Variants in ARHGEF38 observed in about 807,000 individuals in gnomAD.
ARHGEF38 encodes Rho guanine nucleotide exchange factor (GEF) 38.
Under a neutral mutation model 79.9 loss-of-function variants are expected in ARHGEF38, and 79 were observed. That is an observed-to-expected ratio of 0.99 (90% CI 0.82 to 1.19). The LOEUF (loss-of-function observed/expected upper bound fraction) is 1.19. Ranked by LOEUF, ARHGEF38 falls within the 50% of genes most tolerant of loss-of-function variation. The pLI is 0.00. For missense variants in ARHGEF38, 962 were observed against 907.2 expected, an observed-to-expected ratio of 1.06 and a Z score of -0.78; for synonymous variants, 366 against 328.3, an observed-to-expected ratio of 1.11 and a Z score of -1.24.
intron 1 of ARHGEF38, among the ~76,000 whole-genome samples, chr4:105,575,585 T>C (rs1726457153): frequency 6.6e-6 from 1 of 152,190 alleles, no homozygotes; most frequent in African/African-American, 2.4e-5. Context: ...AAAAGTATTT[T>C]CTCCACTCTT....
chr4:105,570,354 T>A (rs13117756), intron 1 of ARHGEF38: 1 of 152,136 alleles, frequency 6.6e-6, no homozygotes. Context: ...AAAAATAATT[T>A]GGGGGAACAT....
chr4:105,616,097 G>A lies in ARHGEF38; in HGVS notation c.508+2590G>A, dbSNP rs147073446. On this transcript the variant is annotated intron_variant, in intron 3 of 13. Coordinates refer to ENST00000420470, the MANE Select transcript of ARHGEF38 (RefSeq NM_001242729.2). ...TACAGAATAGATGTAAATAAAATAT[G>A]TATGGAAAATAGGGCCTGAGAAATC... is the stretch of plus-strand genomic sequence containing the variant. 2.2e-3 allele frequency among the ~76,000 whole-genome samples: 332 copies of A among 152,232 alleles called. 4 individuals carry two copies. Among genetic ancestry groups the A allele is most frequent in the South Asian group, 8.3e-4 (4 of 4,818 alleles).
At chr4:105,665,680 C>T (rs900745537) in intron 10 of ARHGEF38, among the ~76,000 whole-genome samples, 5 of 152,158 alleles carry the variant, frequency 3.3e-5, no homozygotes, top group African/African-American at 7.2e-5. Flanking sequence ...AAGCAGTCTT[C>T]TTACCTCAGC....
intron 13 of ARHGEF38, among the ~76,000 whole-genome samples, chr4:105,672,125 C>A (rs1035883626): frequency 6.6e-6 from 1 of 152,012 alleles, no homozygotes; most frequent in Admixed American, 6.6e-5. Context: ...AACCTGGACG[C>A]GAAGACCTGA....
chr4:105,565,623 A>G (rs1578258634), intron 1 of ARHGEF38, among the ~76,000 whole-genome samples: 1 of 152,114 alleles, frequency 6.6e-6, no homozygotes, highest in Non-Finnish European at 1.5e-5. Context: ...AGAGGCAGGG[A>G]GGGAGTGTTG....
At chr4:105,592,068 T>G (rs1727366814) in intron 2 of ARHGEF38, among the ~76,000 whole-genome samples, 2 of 152,192 alleles carry the variant, frequency 1.3e-5, no homozygotes, top group Admixed American at 1.3e-4. Flanking sequence ...GTCACTACCT[T>G]TCCTTATGGT....
intron 1 of ARHGEF38, among the ~76,000 whole-genome samples, chr4:105,558,141 T>C (rs1725341078): frequency 6.6e-6 from 1 of 152,208 alleles, no homozygotes; most frequent in Non-Finnish European, 1.5e-5. Flanking sequence ...CCCTACTGTA[T>C]GAACTTTATA....
chr4:105,623,956 G>A (rs1038622910), intron 3 of ARHGEF38, among the ~76,000 whole-genome samples: 25 of 152,090 alleles, frequency 1.6e-4, no homozygotes, highest in Non-Finnish European at 3.4e-4. Flanking sequence ...CCCCTTCTTT[G>A]AGAGCCCCAC....
chr4:105,553,492 TC>T (rs1725102170), intron 1 of ARHGEF38, among the ~76,000 whole-genome samples: 1 of 152,212 alleles, frequency 6.6e-6, no homozygotes, highest in Non-Finnish European at 1.5e-5. Flanking sequence ...TTGCTGAAAT[TC>T]ACTTAGGTGA....
At chr4:105,611,663 C>T (rs1251198311) in intron 2 of ARHGEF38, among the ~76,000 whole-genome samples, 3 of 151,688 alleles carry the variant, frequency 2.0e-5, no homozygotes, top group Non-Finnish European at 4.4e-5. Flanking sequence ...AAATCTTGAA[C>T]CTCTCTAGAT....
chr4:105,597,420 G>A (rs1233548067), intron 2 of ARHGEF38, among the ~76,000 whole-genome samples: 1 of 152,104 alleles, frequency 6.6e-6, no homozygotes, highest in African/African-American at 2.4e-5. Context: ...CAGGAAGAAT[G>A]GTCTTTCATT....
At chr4:105,619,328 C>T (rs1728641990) in intron 3 of ARHGEF38, among the ~76,000 whole-genome samples, 1 of 151,752 alleles carries the variant, frequency 6.6e-6, no homozygotes, top group Non-Finnish European at 1.5e-5. Context: ...AGGCCTCAGG[C>T]TTGAGAGTAA....
chr4:105,622,341 G>A (rs766045253), intron 3 of ARHGEF38, among the ~76,000 whole-genome samples: 9 of 152,200 alleles, frequency 5.9e-5, no homozygotes, highest in Non-Finnish European at 1.3e-4. Context: ...AGGAAGGAAT[G>A]TAAGAGTCTG....
intron 13 of ARHGEF38, among the ~76,000 whole-genome samples, chr4:105,668,277 G>A (rs888575429): frequency 2.6e-5 from 4 of 151,988 alleles, no homozygotes; most frequent in Non-Finnish European, 4.4e-5. Context: ...CGCCTCCCAG[G>A]TTCAAGCAAT....
intron 3 of ARHGEF38, among the ~76,000 whole-genome samples, chr4:105,620,365 A>G (rs1376034439): frequency 6.6e-6 from 1 of 152,168 alleles, no homozygotes; most frequent in Non-Finnish European, 1.5e-5. Context: ...TCAGTTTCTT[A>G]TCTGGAAACT....
chr4:105,608,384 CT>C (rs1415738357), intron 2 of ARHGEF38, among the ~76,000 whole-genome samples: 1 of 151,814 alleles, frequency 6.6e-6, no homozygotes, highest in Non-Finnish European at 1.5e-5. Flanking sequence ...TATTTAGATC[CT>C]TTGCCCATTT....
In ARHGEF38 at chr4:105,677,966, A is replaced by G. The variant is rs1223841995; in HGVS notation, c.*29A>G. 6.8e-7 allele frequency: 1 copy of G among 1,469,494 alleles called. No individual in the cohort carries two copies. The highest frequency in any genetic ancestry group is 9.0e-7 in the Non-Finnish European group (1 of 1,107,866). The allele number at this position is 1,469,494 out of a possible 1,614,324, so 91.0% of individuals were successfully genotyped here. Reference sequence around the variant, plus strand: ...AATAAGCCTTCAACTTTTATTTTCCAGCAAGTTGTTGATTGACTACCTCAT... The same window carrying G: ...AATAAGCCTTCAACTTTTATTTTCCGGCAAGTTGTTGATTGACTACCTCAT... On this transcript the variant is annotated 3_prime_UTR_variant, in exon 14 of 14. Transcript: ENST00000420470.
chr4:105,552,663 G>A lies in ARHGEF38; in HGVS notation c.-103G>A. ...CTGGAGTGAAGCGGTTTAGTTAGAA[G>A]GGAGCAGATAAACTCGTCACTCTAG... is the stretch of plus-strand genomic sequence containing the variant. On this transcript the variant is annotated 5_prime_UTR_variant, in exon 1 of 14. Transcript: ENST00000420470. The A allele has an allele frequency of 1.1e-6, 1 of 914,450 alleles. No homozygotes were observed. The highest frequency in any genetic ancestry group is 1.6e-6 in the Non-Finnish European group (1 of 616,740). 56.6% of individuals were successfully genotyped at this position (914,450 alleles called of 1,614,324 possible).
At chr4:105,675,829 G>A (rs1181016600) in intron 13 of ARHGEF38, among the ~76,000 whole-genome samples, 1 of 152,194 alleles carries the variant, frequency 6.6e-6, no homozygotes, top group Non-Finnish European at 1.5e-5. Context: ...GGTGGAAGGG[G>A]TGAAGAGTCT....
Sources: gnomAD v4.1 joint callset for allele counts (sites outside exome capture counted in the v4.1 genomes callset) on GRCh38, gnomAD v4.1.1 for gene constraint, MANE v1.5 for transcripts, NCBI Gene and HGNC (gene_info 2026-07-23, HGNC 2026-07-21) for gene names.